Variants in ZFPM2 observed in about 807,000 individuals in gnomAD.
ZFPM2 encodes the protein zinc finger protein ZFPM2.
In ZFPM2, 20 loss-of-function variants were observed where a neutral mutation model predicts 98.6. That is an observed-to-expected ratio of 0.20 (90% CI 0.14 to 0.29). The LOEUF (loss-of-function observed/expected upper bound fraction) is 0.29, where lower values mean the gene tolerates loss of function less well. ZFPM2 is among the 10% of genes least tolerant of loss of function. The pLI is 1.00. For missense variants in ZFPM2, 1,310 were observed against 1,388.6 expected, an observed-to-expected ratio of 0.94 and a Z score of 0.90; for synonymous variants, 518 against 502.7, an observed-to-expected ratio of 1.03 and a Z score of -0.41.
intron 3 of ZFPM2, among the ~76,000 whole-genome samples, chr8:105,536,630 T>C (rs1446288576): frequency 6.6e-6 from 1 of 152,042 alleles, no homozygotes; most frequent in Non-Finnish European, 1.5e-5. Context: ...CAGGACACAT[T>C]GTTGGCTTTA....
At chr8:105,446,995 T>C (rs1389424842) in intron 3 of ZFPM2, among the ~76,000 whole-genome samples, 3 of 152,120 alleles carry the variant, frequency 2.0e-5, no homozygotes, top group Non-Finnish European at 4.4e-5. Flanking sequence ...ACTGCAAGTT[T>C]TGTTATTAAT....
Position 105,788,750 on chromosome 8 carries a change from A to G in ZFPM2, c.565A>G (p.Ile189Val). Residue 189 changes from isoleucine to valine, a missense_variant, in exon 6 of 8, where the codon ATC (isoleucine) becomes GTC (valine). Transcript: ENST00000407775. Reference protein sequence around the residue: ...GQLWCTTTKAISEGEELIAFV... With the variant: ...GQLWCTTTKAVSEGEELIAFV... Reference sequence around the variant, plus strand: ...GCTTTGGTGTACAACTACGAAGGCCATCTCTGAGGGTGAAGAGCTAATTGC... The same window carrying G: ...GCTTTGGTGTACAACTACGAAGGCCGTCTCTGAGGGTGAAGAGCTAATTGC... 2.5e-6 allele frequency: 4 copies of G among 1,614,008 alleles called. No individual in the cohort carries two copies. Among genetic ancestry groups the G allele is most frequent in the South Asian group, 1.1e-5 (1 of 91,078 alleles).
At chr8:105,447,835 G>A (rs143228306) in intron 3 of ZFPM2, among the ~76,000 whole-genome samples, 5 of 152,096 alleles carry the variant, frequency 3.3e-5, no homozygotes, top group East Asian at 1.9e-4. Flanking sequence ...ATCAACTCCC[G>A]TCTGACGTGT....
chr8:105,706,114 A>G (rs145106263), intron 5 of ZFPM2, among the ~76,000 whole-genome samples: 1 of 152,308 alleles, frequency 6.6e-6, no homozygotes, highest in African/African-American at 2.4e-5. Context: ...TAGGGACATT[A>G]AATAAGCTGA....
At chr8:105,742,780 C>A (rs1345036735) in intron 5 of ZFPM2, among the ~76,000 whole-genome samples, 1 of 151,960 alleles carries the variant, frequency 6.6e-6, no homozygotes, top group Non-Finnish European at 1.5e-5. Flanking sequence ...GTGATCCCAG[C>A]CACTCTGGAG....
intron 1 of ZFPM2, among the ~76,000 whole-genome samples, chr8:105,376,086 T>C (rs1223409285): frequency 6.6e-6 from 1 of 152,092 alleles, no homozygotes; most frequent in Non-Finnish European, 1.5e-5. Context: ...GCCCTGAGAT[T>C]CCTCAGCACT....
At chr8:105,378,724 T>G (rs1401616391) in intron 1 of ZFPM2, among the ~76,000 whole-genome samples, 2 of 152,206 alleles carry the variant, frequency 1.3e-5, no homozygotes, top group African/African-American at 2.4e-5. Context: ...ATACCGTGTA[T>G]GTTTTTAGGT....
intron 5 of ZFPM2, among the ~76,000 whole-genome samples, chr8:105,783,761 C>T (rs1813331378): frequency 6.6e-6 from 1 of 150,684 alleles, no homozygotes; most frequent in Admixed American, 6.6e-5. Context: ...GTGTAGATCA[C>T]ATGTTTCTTA....
chr8:105,802,827 A>G lies in ZFPM2; in HGVS notation c.2745A>G (p.Lys915=), dbSNP rs777684857. Residue 915 remains lysine, a synonymous_variant, in exon 8 of 8, where the codon AAA becomes AAG. Coordinates refer to ENST00000407775, the MANE Select transcript of ZFPM2 (RefSeq NM_012082.4). ...TCAGCTACGAAAGAAGCATAATAAA[A>G]TGTGAGAAAAATGGGAATTTGAAGC... ...PDVSYERSII[K]CEKNGNLKQP... is the part of the protein sequence containing the mutation. The G allele has an allele frequency of 1.2e-6, 2 of 1,613,684 alleles. No homozygotes were observed. The highest frequency in any genetic ancestry group is 1.7e-6 in the Non-Finnish European group (2 of 1,179,824).
Position 105,802,485 on chromosome 8 carries a change from T to G in ZFPM2, c.2403T>G (p.Thr801=), listed in dbSNP as rs1291476866. The G allele has an allele frequency of 2.5e-6, 4 of 1,613,058 alleles. No homozygotes were observed. The East Asian group carries it at 6.7e-5, about 27-fold the overall frequency. The change falls in exon 8 of 8, where the codon ACT becomes ACG. Residue 801 remains threonine, a synonymous_variant. Coordinates refer to ENST00000407775, the MANE Select transcript of ZFPM2 (RefSeq NM_012082.4). ...GAATTGTCTCTAAACACTTGGAAAC[T>G]TCTCTGACGATCAACAAGTGTGTTC... ...FPGIVSKHLE[T]SLTINKCVPV...
intron 2 of ZFPM2, among the ~76,000 whole-genome samples, chr8:105,440,516 A>C (rs1420060994): frequency 1.3e-5 from 2 of 152,198 alleles, no homozygotes; most frequent in Non-Finnish European, 2.9e-5. Context: ...AGAGTCCATC[A>C]GGAAACTGAT....
At chr8:105,386,959 A>G (rs2129909433) in intron 1 of ZFPM2, among the ~76,000 whole-genome samples, 1 of 152,248 alleles carries the variant, frequency 6.6e-6, no homozygotes, top group South Asian at 2.1e-4. Context: ...TGGTGCATTC[A>G]CAAACTCTGA....
intron 5 of ZFPM2, among the ~76,000 whole-genome samples, chr8:105,701,698 G>C (rs1226098906): frequency 6.6e-6 from 1 of 152,102 alleles, no homozygotes; most frequent in African/African-American, 2.4e-5. Context: ...TCATTCCTTA[G>C]GGATTTGTGA....
intron 1 of ZFPM2, among the ~76,000 whole-genome samples, chr8:105,331,088 A>AT (rs1209242842): frequency 3.6e-4 from 53 of 146,184 alleles, no homozygotes; most frequent in African/African-American, 1.2e-3. Flanking sequence ...TTCTCCCATT[A>AT]TTTTTTTTGT....
intron 5 of ZFPM2, among the ~76,000 whole-genome samples, chr8:105,737,009 T>C (rs78428691): frequency 6.6e-6 from 1 of 152,006 alleles, no homozygotes; most frequent in African/African-American, 2.4e-5. Flanking sequence ...TCTTAATTCA[T>C]TCAGCTACAA....
rs547121120 is a variant in ZFPM2, at chr8:105,569,227, A to G, written c.420+7746A>G. 1.3e-3 allele frequency among the ~76,000 whole-genome samples: 200 copies of G among 152,204 alleles called. 2 individuals carry two copies. Among genetic ancestry groups the G allele is most frequent in the African/African-American group, 4.7e-3 (195 of 41,528 alleles). On this transcript the variant is annotated intron_variant, in intron 4 of 7. Coordinates refer to ENST00000407775, the MANE Select transcript of ZFPM2 (RefSeq NM_012082.4). Reference sequence around the variant, plus strand: ...CTTATTATCTATTTTTTATCTTTCTATCCTTCCCACTTAGAACAATGTCTA... The same window carrying G: ...CTTATTATCTATTTTTTATCTTTCTGTCCTTCCCACTTAGAACAATGTCTA...
intron 3 of ZFPM2, among the ~76,000 whole-genome samples, chr8:105,475,654 G>C (rs113091862): frequency 6.6e-6 from 1 of 152,152 alleles, no homozygotes; most frequent in Non-Finnish European, 1.5e-5. Context: ...TTAGAAAAGC[G>C]TTTTTAACAT....
intron 5 of ZFPM2, among the ~76,000 whole-genome samples, chr8:105,721,837 A>G (rs1586219704): frequency 6.6e-6 from 1 of 151,958 alleles, no homozygotes; most frequent in African/African-American, 2.4e-5. Flanking sequence ...ACATGAAATG[A>G]GGCATGGCTG....
At chr8:105,718,714 G>A (rs185394837) in intron 5 of ZFPM2, among the ~76,000 whole-genome samples, 320 of 151,710 alleles carry the variant, frequency 2.1e-3, no homozygotes, top group African/African-American at 7.4e-3. Flanking sequence ...CCCTGATTCT[G>A]TCGTCAAAAG....
Sources: gnomAD v4.1 joint callset for allele counts (sites outside exome capture counted in the v4.1 genomes callset) on GRCh38, gnomAD v4.1.1 for gene constraint, MANE v1.5 for transcripts, NCBI Gene and HGNC (gene_info 2026-07-23, HGNC 2026-07-21) for gene names.